The following FLVCR2 variants were observed in gnomAD, a reference collection of about 807,000 sequenced individuals.
FLVCR2 encodes choline/ethanolamine transporter FLVCR2.
A neutral mutation model predicts 48.9 loss-of-function variants in FLVCR2; 38 were observed. That is an observed-to-expected ratio of 0.78 (90% CI 0.60 to 1.02). The LOEUF (loss-of-function observed/expected upper bound fraction) is 1.02, where lower values mean the gene tolerates loss of function less well. FLVCR2 is among the 50% of genes least tolerant of loss of function. The probability of loss-of-function intolerance (pLI) is 0.00; values close to 1 mark genes in which losing one functional copy is unlikely to be tolerated. For missense variants in FLVCR2, 664 were observed against 663.3 expected, an observed-to-expected ratio of 1.00 and a Z score of -0.01; for synonymous variants, 255 against 257.0, an observed-to-expected ratio of 0.99 and a Z score of 0.07.
At chr14:75,587,461 G>C (rs932720572) in intron 1 of FLVCR2, among the ~76,000 whole-genome samples, 1 of 152,172 alleles carries the variant, frequency 6.6e-6, no homozygotes, top group Non-Finnish European at 1.5e-5. Context: ...GCTGCTAGAG[G>C]GCTGATTCTG....
At chr14:75,631,785 C>G (rs546878638) in intron 3 of FLVCR2, 1 of 456,068 alleles carries the variant, frequency 2.2e-6, no homozygotes, top group East Asian at 6.9e-5. Flanking sequence ...TGTCTCCTTA[C>G]GGGATCTCTT....
chr14:75,640,112 A>T (rs980008045), intron 6 of FLVCR2, among the ~76,000 whole-genome samples: 10 of 152,056 alleles, frequency 6.6e-5, no homozygotes, highest in African/African-American at 2.4e-4. Flanking sequence ...TACAAAAATC[A>T]GCCAGGCATG....
Position 75,647,472 on chromosome 14 carries a change from A to G in FLVCR2, c.*1000A>G, listed in dbSNP as rs1412905379. On this transcript the variant is annotated 3_prime_UTR_variant, in exon 10 of 10. Coordinates refer to ENST00000238667, the MANE Select transcript of FLVCR2 (RefSeq NM_017791.3). ...AGGTGCTTCTGAGAGATAAGAGGGA[A>G]GGGGTAGAAGGAAAGGTGCCCCTTG... 1 of 152,570 alleles carries G rather than the reference A, an allele frequency of 6.6e-6. No homozygotes were observed. The highest frequency in any genetic ancestry group is 2.4e-5 in the African/African-American group (1 of 41,446). 9.5% of individuals were successfully genotyped at this position (152,570 alleles called of 1,614,324 possible).
chr14:75,632,520 CA>C (rs1890070957), intron 3 of FLVCR2: 1 of 661,058 alleles, frequency 1.5e-6, no homozygotes, highest in African/African-American at 1.8e-5. Flanking sequence ...AGCATTAAGC[CA>C]GGGTGGTTGC....
chr14:75,596,862 G>A (rs1261779744), intron 1 of FLVCR2, among the ~76,000 whole-genome samples: 1 of 132,660 alleles, frequency 7.5e-6, no homozygotes, highest in Non-Finnish European at 1.5e-5. Flanking sequence ...TAGGATCCTT[G>A]TAAAAGTGGA....
Position 75,579,206 on chromosome 14 carries a change from C to T in FLVCR2, c.234C>T (p.Ile78=). The change falls in exon 1 of 10, where the codon ATC becomes ATT. Residue 78 remains isoleucine, a synonymous_variant. Transcript: ENST00000238667. ...SSSGPEDLSV[I]KVSRRRWAVV... ...CGGGCCCTGAGGACCTCAGCGTGATCAAGGTGAGCAGGCGCCGTTGGGCCG... is the reference window on the plus strand; with the variant it reads ...CGGGCCCTGAGGACCTCAGCGTGATTAAGGTGAGCAGGCGCCGTTGGGCCG... The T allele has an allele frequency of 6.2e-7, 1 of 1,614,226 alleles. No individual in the cohort carries two copies. The highest frequency in any genetic ancestry group is 1.1e-5 in the South Asian group (1 of 91,082).
intron 1 of FLVCR2, among the ~76,000 whole-genome samples, chr14:75,602,458 G>C (rs943256013): frequency 6.6e-6 from 1 of 152,200 alleles, no homozygotes; most frequent in Non-Finnish European, 1.5e-5. Context: ...CTGTCTAGGA[G>C]GGCTACCTAT....
rs577391321 is a variant in FLVCR2, at chr14:75,579,259, T to C, written c.287T>C (p.Met96Thr). 1.1e-5 allele frequency: 18 copies of C among 1,614,202 alleles called. No homozygotes were observed. The East Asian group carries it at 1.3e-4, about 12-fold the overall frequency. ...AVVLVFSCYS[M>T]CNSFQWIQYG... Reference sequence around the variant, plus strand: ...GTCCTGGTGTTTAGCTGCTACTCCATGTGCAACTCCTTTCAGTGGATCCAG... The same window carrying C: ...GTCCTGGTGTTTAGCTGCTACTCCACGTGCAACTCCTTTCAGTGGATCCAG... Residue 96 changes from methionine (M) to threonine (T), a missense_variant, in exon 1 of 10, where the codon ATG (methionine) becomes ACG (threonine). Met to Thr is a moderately conservative substitution (Grantham distance 81). Coordinates refer to ENST00000238667, the MANE Select transcript of FLVCR2 (RefSeq NM_017791.3).
chr14:75,632,803 G>A (rs1670909790), intron 3 of FLVCR2: 1 of 702,152 alleles, frequency 1.4e-6, no homozygotes, highest in Non-Finnish European at 2.6e-6. Context: ...TTAACTGTGT[G>A]TGCATCTTTA....
At position 75,600,207 on chromosome 14, in the gene FLVCR2, ACT is replaced by A. The variant is rs574521712; in HGVS notation, c.669+20568_669+20569del. 1.3e-4 allele frequency among the ~76,000 whole-genome samples: 20 copies of A among 152,136 alleles called. No individual in the cohort carries two copies. In the East Asian group the frequency reaches 3.9e-3, roughly 29 times the overall value. On this transcript the variant is annotated intron_variant, in intron 1 of 9. Coordinates refer to ENST00000238667, the MANE Select transcript of FLVCR2 (RefSeq NM_017791.3). ...ATAATGCATTAGCATGTTAAAAGAC[ACT>A]CCCACCAGGACCATGACAGTTTACA...
chr14:75,602,844 C>G (rs1404383114), intron 1 of FLVCR2, among the ~76,000 whole-genome samples: 1 of 152,186 alleles, frequency 6.6e-6, no homozygotes, highest in African/African-American at 2.4e-5. Flanking sequence ...GTATATTTAA[C>G]CACCACCAAG....
intron 1 of FLVCR2, among the ~76,000 whole-genome samples, chr14:75,621,458 G>T (rs2140037007): frequency 6.6e-6 from 1 of 151,664 alleles, no homozygotes; most frequent in Non-Finnish European, 1.5e-5. Context: ...TTTGTTGGGG[G>T]TGTGTGTGTG....
intron 1 of FLVCR2, among the ~76,000 whole-genome samples, chr14:75,586,304 C>T (rs1240425197): frequency 1.3e-5 from 2 of 152,170 alleles, no homozygotes; most frequent in Non-Finnish European, 2.9e-5. Context: ...TTACAAAGAA[C>T]CTTCTTAAGG....
At position 75,641,275 on chromosome 14, in the gene FLVCR2, C is replaced by T; in HGVS notation, c.1435C>T (p.Leu479Phe). The T allele has an allele frequency of 1.9e-6, 3 of 1,613,802 alleles. No individual in the cohort carries two copies. The highest frequency in any genetic ancestry group is 2.5e-6 in the Non-Finnish European group (3 of 1,179,762). ...CATCTTCCTGTGTGTGTTCCTTACT[C>T]TTGGAGCAGCCCTCACTGGTGAGTT... ...GNIFLCVFLT[L>F]GAALTAFIKA... Residue 479 changes from leucine (L) to phenylalanine (F), a missense_variant, in exon 8 of 10, where the codon CTT becomes TTT. Leu to Phe is a conservative substitution (Grantham distance 22). Coordinates refer to ENST00000238667, the MANE Select transcript of FLVCR2 (RefSeq NM_017791.3).
chr14:75,596,734 A>G (rs1374397360), intron 1 of FLVCR2, among the ~76,000 whole-genome samples: 1 of 148,882 alleles, frequency 6.7e-6, no homozygotes, highest in Non-Finnish European at 1.5e-5. Flanking sequence ...CTTTTTCATC[A>G]TCGTCAATAA....
chr14:75,614,953 C>T (rs1362043952), intron 1 of FLVCR2, among the ~76,000 whole-genome samples: 1 of 152,208 alleles, frequency 6.6e-6, no homozygotes, highest in Non-Finnish European at 1.5e-5. Flanking sequence ...GATCCAGTCA[C>T]CTCCCACCAG....
In FLVCR2 at chr14:75,644,148, T is replaced by C. The variant is rs940070805; in HGVS notation, c.1509+2250T>C. Reference sequence around the variant, plus strand: ...ACGTGACGTATTATGTCAAGTGACATAAGATTTGCTGTGTTGACTTTATAA... The same window carrying C: ...ACGTGACGTATTATGTCAAGTGACACAAGATTTGCTGTGTTGACTTTATAA... On this transcript the variant is annotated intron_variant, in intron 9 of 9. Transcript: ENST00000238667. 2.1e-4 allele frequency among the ~76,000 whole-genome samples: 5 copies of C among 23,272 alleles called. No homozygotes were observed. In the African/African-American group the frequency reaches 3.0e-3, roughly 14 times the overall value. The allele number at this position is 23,272 out of a possible 152,430, so 15.3% of individuals were successfully genotyped here. A position where few individuals can be genotyped will look rare whatever the true frequency, so the allele number is the denominator to read the frequency against.
At position 75,615,221 on chromosome 14, in the gene FLVCR2, G is replaced by A. The variant is rs74067116; in HGVS notation, c.670-6858G>A. Among the ~76,000 whole-genome samples the A allele has an allele frequency of 5.4e-3, 830 of 152,298 alleles. 6 individuals are homozygous for A. Among genetic ancestry groups the A allele is most frequent in the African/African-American group, 0.019 (791 of 41,556 alleles). Reference sequence around the variant, plus strand: ...GCCTGGGAGAAAGGCAGAAAGGTCCGAAGTGGGACAGGGCAGATTCAAAGA... The same window carrying A: ...GCCTGGGAGAAAGGCAGAAAGGTCCAAAGTGGGACAGGGCAGATTCAAAGA... On this transcript the variant is annotated intron_variant, in intron 1 of 9. Coordinates refer to ENST00000238667, the MANE Select transcript of FLVCR2 (RefSeq NM_017791.3).
At chr14:75,635,667 C>T (rs1218276797) in intron 5 of FLVCR2, among the ~76,000 whole-genome samples, 1 of 152,020 alleles carries the variant, frequency 6.6e-6, no homozygotes, top group Non-Finnish European at 1.5e-5. Context: ...GAGCTCAAAA[C>T]CAGCCTGGGC....
Sources: allele counts gnomAD v4.1 joint callset (sites outside exome capture counted in the v4.1 genomes callset), GRCh38; gene constraint gnomAD v4.1.1; transcripts MANE v1.5; gene names NCBI Gene and HGNC (gene_info 2026-07-23, HGNC 2026-07-21).